The following RAVER1 variants were observed in gnomAD, a reference collection of about 807,000 sequenced individuals.
RAVER1 encodes the protein ribonucleoprotein, PTB binding 1, also known as ribonucleoprotein PTB-binding 1.
RAVER1 carries 36 observed loss-of-function variants against 68.4 expected under a neutral mutation model. That is an observed-to-expected ratio of 0.53 (90% CI 0.40 to 0.70). RAVER1 has a LOEUF of 0.70. Among genes scored for constraint, RAVER1 ranks in the 30% least tolerant of loss-of-function variants. The pLI is 0.00. For missense variants in RAVER1, 933 were observed against 1,019.8 expected, an observed-to-expected ratio of 0.91 and a Z score of 1.16; for synonymous variants, 469 against 472.7, an observed-to-expected ratio of 0.99 and a Z score of 0.10.
At chr19:10,330,628 C>A in intron 1 of RAVER1, 102 bp from the exon 2 acceptor site, 1 of 642,284 alleles carries the variant, frequency 1.6e-6, no homozygotes, top group Non-Finnish European at 2.9e-6. Flanking sequence ...AGGTCAATTA[C>A]CACCCCCCAT....
intron 1 of RAVER1, among the ~76,000 whole-genome samples, chr19:10,332,415 C>A (rs1338946650): frequency 6.6e-6 from 1 of 152,138 alleles, no homozygotes; most frequent in Non-Finnish European, 1.5e-5. Flanking sequence ...AGAGGAAGAC[C>A]CAGAAAGAAA....
At position 10,323,151 on chromosome 19, in the gene RAVER1, TCCC is replaced by T. The variant is rs773370779; in HGVS notation, c.1069_1071del (p.Gly357del). ...CTGTCCAGCCCCACCTTACCCTGCT[TCCC>T]CCCCGCACTGCCATGGAGCAGGGGG... is the stretch of plus-strand genomic sequence containing the variant. On this transcript the variant is annotated inframe_deletion, in exon 5 of 13. Coordinates refer to ENST00000617231, the MANE Select transcript of RAVER1 (RefSeq NM_133452.3). The surrounding 1 kb of genome is among the most constrained non-coding windows in gnomAD (Gnocchi z 6.2). 15 of 1,595,124 alleles carry T rather than the reference TCCC, an allele frequency of 9.4e-6. No individual in the cohort carries two copies. The highest frequency in any genetic ancestry group is 1.3e-5 in the Non-Finnish European group (15 of 1,171,416).
intron 1 of RAVER1, among the ~76,000 whole-genome samples, chr19:10,331,026 C>T (rs538494757): frequency 2.2e-4 from 33 of 150,224 alleles, no homozygotes; most frequent in African/African-American, 7.8e-4. Context: ...GCACTCCAGC[C>T]TGGGTGACAA....
chr19:10,320,784 T>A lies in RAVER1; in HGVS notation c.1641A>T (p.Pro547=). The part of the protein sequence containing the change: ...RPAEGPPTNP[P]APGGGSSSSK... ...TGCTGCTGCTGCCACCTCCAGGGGCTGGGGGGTTAGTTGGGGGGCCCTCAG... is the reference window on the plus strand; with the variant it reads ...TGCTGCTGCTGCCACCTCCAGGGGCAGGGGGGTTAGTTGGGGGGCCCTCAG... Residue 547 remains proline, a synonymous_variant, in exon 9 of 13, where the codon CCA becomes CCT. Transcript: ENST00000617231. The A allele has an allele frequency of 9.5e-7, 1 of 1,055,674 alleles. No individual in the cohort carries two copies. Among genetic ancestry groups the A allele is most frequent in the Admixed American group, 5.8e-5 (1 of 17,340 alleles). 65.4% of individuals were successfully genotyped at this position (1,055,674 alleles called of 1,614,324 possible). A position where few individuals can be genotyped will look rare whatever the true frequency, so the allele number is the denominator to read the frequency against.
Position 10,323,274 on chromosome 19 carries a change from C to T in RAVER1, c.949G>A (p.Ala317Thr). 1.2e-6 allele frequency: 2 copies of T among 1,613,378 alleles called. No individual in the cohort carries two copies. Among genetic ancestry groups the T allele is most frequent in the Non-Finnish European group, 8.5e-7 (1 of 1,179,626 alleles). The change falls in exon 5 of 13, where the codon GCC (alanine) becomes ACC (threonine). Residue 317 changes from alanine (A) to threonine (T), a missense_variant and splice_region_variant. Around this residue, in one of 3 missense-constraint regions of RAVER1, gnomAD observed 699 missense variants for 731.1 expected, o/e 0.96. Coordinates refer to ENST00000617231, the MANE Select transcript of RAVER1 (RefSeq NM_133452.3). The surrounding 1 kb of genome is among the most constrained non-coding windows in gnomAD (Gnocchi z 6.2). ...LAALIAAQAT[A>T]LNRGKGLLPE... ...AGGAGTCCCTTCCCCCGATTGAGGGCCTGCAGGAAGGAACAGAAGCAGCTC... is the reference window on the plus strand; with the variant it reads ...AGGAGTCCCTTCCCCCGATTGAGGGTCTGCAGGAAGGAACAGAAGCAGCTC...
rs1454425089 is a variant in RAVER1, at chr19:10,328,038, CG to C, written c.756+603del. 6.6e-6 allele frequency among the ~76,000 whole-genome samples: 1 copy of C among 152,128 alleles called. No individual in the cohort carries two copies. The highest frequency in any genetic ancestry group is 6.6e-5 in the Admixed American group (1 of 15,252). ...CCAGTGACTGGCCCGAGCTCGAGGGCGGGGCTGGGATCTGGCAAAGCCTCAG... is the reference window on the plus strand; with the variant it reads ...CCAGTGACTGGCCCGAGCTCGAGGGCGGGCTGGGATCTGGCAAAGCCTCAG... On this transcript the variant is annotated intron_variant, in intron 3 of 12. Coordinates refer to ENST00000617231, the MANE Select transcript of RAVER1 (RefSeq NM_133452.3). This position sits in a 1 kb window ranked among gnomAD's most constrained non-coding sequence, Gnocchi z 4.4.
Position 10,322,672 on chromosome 19 carries a change from C to T in RAVER1, c.1146G>A (p.Gln382=). ...NGPALSTALL[Q]LALQTQGQKK... is the part of the protein sequence containing the mutation. ...TCTGGCCCTGGGTCTGCAGGGCGAG[C>T]TGCAACAGCGCCGTGGACAGGGCTG... is the stretch of plus-strand genomic sequence containing the variant. The change falls in exon 6 of 13, where the codon CAG becomes CAA. Residue 382 remains glutamine, a synonymous_variant. Transcript: ENST00000617231. This position sits in a 1 kb window ranked among gnomAD's most constrained non-coding sequence, Gnocchi z 4.3. The T allele has an allele frequency of 6.5e-7, 1 of 1,545,668 alleles. No individual in the cohort carries two copies. Among genetic ancestry groups the T allele is most frequent in the South Asian group, 1.3e-5 (1 of 79,424 alleles).
intron 3 of RAVER1, among the ~76,000 whole-genome samples, chr19:10,326,469 G>A (rs1004739554): frequency 1.3e-5 from 2 of 152,246 alleles, no homozygotes; most frequent in Non-Finnish European, 2.9e-5. Flanking sequence ...CTTTGAGACG[G>A]AGTCTCGCTC....
rs865799814 is a variant in RAVER1 at position 10,329,042 on chromosome 19, C to T, written c.356G>A (p.Arg119Gln). 10 of 1,539,542 alleles carry T rather than the reference C, an allele frequency of 6.5e-6. No homozygotes were observed. Among genetic ancestry groups the T allele is most frequent in the East Asian group, 2.3e-5 (1 of 43,368 alleles). ...AINAFHQSRL[R>Q]ERELSVQLQP... is the part of the protein sequence containing the mutation. ...CAGCTGCACCGACAGTTCACGCTCCCGCAGGCGGCTCTGGTGGAAAGCATT... is the reference window on the plus strand; with the variant it reads ...CAGCTGCACCGACAGTTCACGCTCCTGCAGGCGGCTCTGGTGGAAAGCATT... The change falls in exon 3 of 13, where the codon CGG becomes CAG. Residue 119 changes from arginine (R) to glutamine (Q), a missense_variant. By Grantham distance (43) the Arg-to-Gln change is conservative. Around this residue, in one of 3 missense-constraint regions of RAVER1, gnomAD observed 211 missense variants for 230.0 expected, o/e 0.92. Transcript: ENST00000617231. This position sits in a 1 kb window ranked among gnomAD's most constrained non-coding sequence, Gnocchi z 4.6.
Position 10,328,495 on chromosome 19 carries a change from T to G in RAVER1, c.756+147A>C. 2 of 617,104 alleles carry G rather than the reference T, an allele frequency of 3.2e-6. No individual in the cohort carries two copies. Among genetic ancestry groups the G allele is most frequent in the Non-Finnish European group, 5.6e-6 (2 of 355,034 alleles). 38.2% of individuals were successfully genotyped at this position (617,104 alleles called of 1,614,324 possible). On this transcript the variant is annotated intron_variant, in intron 3 of 12. Coordinates refer to ENST00000617231, the MANE Select transcript of RAVER1 (RefSeq NM_133452.3). This position sits in a 1 kb window ranked among gnomAD's most constrained non-coding sequence, Gnocchi z 4.4. The stretch of plus-strand genomic sequence containing the variant: ...TGAACCAAAGAGGCGGAGGTTGCAG[T>G]GAACTGAGATTGTATCACTGCACTC...
In RAVER1 at chr19:10,323,992, T is replaced by C. The variant is rs55686143; in HGVS notation, c.757-426A>G. Among the ~76,000 whole-genome samples the C allele has an allele frequency of 0.14, 21,876 of 151,722 alleles. 1,832 individuals are homozygous for C. Among genetic ancestry groups the C allele is most frequent in the Admixed American group, 0.26 (3,887 of 15,226 alleles). The stretch of plus-strand genomic sequence containing the variant: ...GGAGAAACCCCGTCTCTACTAAAAA[T>C]ACAAAATTAGCCAGGCGTGGTGGCA... On this transcript the variant is annotated intron_variant, in intron 3 of 12. Transcript: ENST00000617231. The surrounding 1 kb of genome is among the most constrained non-coding windows in gnomAD (Gnocchi z 6.2).
intron 9 of RAVER1, among the ~76,000 whole-genome samples, chr19:10,320,338 T>C (rs1023164148): frequency 6.6e-6 from 1 of 151,792 alleles, no homozygotes; most frequent in Non-Finnish European, 1.5e-5. Context: ...ACTCCGTCTC[T>C]ACCACAAATT....
rs2040389170 is a variant in RAVER1, at chr19:10,316,551, A to C, written c.*903T>G. 1.0e-5 allele frequency: 10 copies of C among 987,406 alleles called. No homozygotes were observed. The South Asian group carries it at 4.6e-4, about 45-fold the overall frequency. 61.2% of individuals were successfully genotyped at this position (987,406 alleles called of 1,614,324 possible). A position where few individuals can be genotyped will look rare whatever the true frequency, so the allele number is the denominator to read the frequency against. On this transcript the variant is annotated 3_prime_UTR_variant, in exon 13 of 13. Transcript: ENST00000617231. ...ACAGCAGAGGCTCCGGGAGATGGGC[A>C]CAATGTCCGACTCCCACAGACAGAC...
chr19:10,325,865 A>T (rs1325613845), intron 3 of RAVER1, among the ~76,000 whole-genome samples: 1 of 152,002 alleles, frequency 6.6e-6, no homozygotes. Flanking sequence ...CAACAACCTG[A>T]TCATGAAGCA....
chr19:10,322,568 C>A lies in RAVER1; in HGVS notation c.1173+77G>T. 5 of 1,090,370 alleles carry A rather than the reference C, an allele frequency of 4.6e-6. No individual in the cohort carries two copies. Among genetic ancestry groups the A allele is most frequent in the Non-Finnish European group, 6.4e-6 (5 of 776,016 alleles). 67.5% of individuals were successfully genotyped at this position (1,090,370 alleles called of 1,614,324 possible). A position where few individuals can be genotyped will look rare whatever the true frequency, so the allele number is the denominator to read the frequency against. On this transcript the variant is annotated intron_variant, in intron 6 of 12. Coordinates refer to ENST00000617231, the MANE Select transcript of RAVER1 (RefSeq NM_133452.3). This position sits in a 1 kb window ranked among gnomAD's most constrained non-coding sequence, Gnocchi z 4.3. ...GGGCACAGCCAGAGGTCCCCCCACC[C>A]CACCGATCGCACCAGCTGTGTTGAA...
At chr19:10,319,560 C>T (rs1186469064) in intron 9 of RAVER1, among the ~76,000 whole-genome samples, 1 of 151,706 alleles carries the variant, frequency 6.6e-6, no homozygotes, top group Non-Finnish European at 1.5e-5. Flanking sequence ...CCCAGGTGAC[C>T]TGTGGGCGGC....
At chr19:10,325,145 C>CGGGA (rs1185781973) in intron 3 of RAVER1, among the ~76,000 whole-genome samples, 3 of 152,104 alleles carry the variant, frequency 2.0e-5, no homozygotes, top group African/African-American at 7.2e-5. Flanking sequence ...CTCAGCTTCC[C>CGGGA]GAGTAGCTGG....
Position 10,320,928 on chromosome 19 carries a change from G to A in RAVER1, c.1497C>T (p.Pro499=). 2 of 1,496,246 alleles carry A rather than the reference G, an allele frequency of 1.3e-6. No individual in the cohort carries two copies. The highest frequency in any genetic ancestry group is 1.4e-5 in the African/African-American group (1 of 69,386). 92.7% of individuals were successfully genotyped at this position (1,496,246 alleles called of 1,614,324 possible). A position where few individuals can be genotyped will look rare whatever the true frequency, so the allele number is the denominator to read the frequency against. The change falls in exon 9 of 13, where the codon CCC becomes CCT. Residue 499 remains proline (P), a synonymous_variant. Coordinates refer to ENST00000617231, the MANE Select transcript of RAVER1 (RefSeq NM_133452.3). ...GATTCAGGGGAATCCGGTAGTCCTT[G>A]GGGGGCTCCCCCAGCAGTGAGACCT... is the stretch of plus-strand genomic sequence containing the variant. ...PPGVSLLGEP[P]KDYRIPLNPY...
rs778597919 is a variant in RAVER1 at position 10,328,797 on chromosome 19, G to A, written c.601C>T (p.Arg201Cys). 9.3e-6 allele frequency: 15 copies of A among 1,613,258 alleles called. No homozygotes were observed. In the Admixed American group the frequency reaches 1.2e-4, roughly 13 times the overall value. ...TCCGTCCAGTGCACGTAGAGGGTGC[G>A]TGGTCCCAGCGGCTTGCCCAGCAGG... ...SDLLGKPLGP[R>C]TLYVHWTDAG... Residue 201 changes from arginine to cysteine, a missense_variant, in exon 3 of 13, where the codon CGC (arginine) becomes TGC (cysteine). Coordinates refer to ENST00000617231, the MANE Select transcript of RAVER1 (RefSeq NM_133452.3). The surrounding 1 kb of genome is among the most constrained non-coding windows in gnomAD (Gnocchi z 4.4).
Sources: gnomAD v4.1 joint callset for allele counts (sites outside exome capture counted in the v4.1 genomes callset) on GRCh38, gnomAD v4.1.1 for gene constraint, gnomAD v4.1.1 regional missense constraint, Gnocchi (gnomAD v3.1) non-coding constraint, MANE v1.5 for transcripts, NCBI Gene and HGNC (gene_info 2026-07-23, HGNC 2026-07-21) for gene names.